The following TBCD variants were observed in gnomAD, a reference collection of about 807,000 sequenced individuals.
TBCD encodes the protein tubulin-specific chaperone D.
In TBCD, 105 loss-of-function variants were observed where a neutral mutation model predicts 169.3. That is an observed-to-expected ratio of 0.62 (90% CI 0.53 to 0.73). The LOEUF (loss-of-function observed/expected upper bound fraction) is 0.73. Ranked by LOEUF, TBCD falls within the 30% of genes least tolerant of loss-of-function variation. TBCD has a pLI of 0.00. For synonymous variants in TBCD, 700 were observed against 643.9 expected, an observed-to-expected ratio of 1.09 and a Z score of -1.32; for missense variants, 1,444 against 1,600.1, an observed-to-expected ratio of 0.90 and a Z score of 1.66.
rs1441841970 is a variant in TBCD at position 82,930,718 on chromosome 17, G to C, written c.3113+75G>C. On this transcript the variant is annotated intron_variant, in intron 33 of 38. Coordinates refer to ENST00000355528, the MANE Select transcript of TBCD (RefSeq NM_005993.5). This position sits in a 1 kb window ranked among gnomAD's most constrained non-coding sequence, Gnocchi z 5.2. ...CTCACCACGTTCCCACAGATTCCCG[G>C]GGTCTCGCAGGGTCTGTCTGGGGTC... The C allele has an allele frequency of 1.3e-6, 2 of 1,595,644 alleles. No homozygotes were observed. Among genetic ancestry groups the C allele is most frequent in the African/African-American group, 2.7e-5 (2 of 74,644 alleles).
At chr17:82,916,356 C>T (rs1389431470) in intron 23 of TBCD, among the ~76,000 whole-genome samples, 10 of 152,120 alleles carry the variant, frequency 6.6e-5, no homozygotes, top group Middle Eastern at 3.4e-3. Context: ...GTGTTTCTCC[C>T]GCCTCAGCCT....
chr17:82,887,373 G>A (rs1389958879), intron 15 of TBCD, among the ~76,000 whole-genome samples: 1 of 152,058 alleles, frequency 6.6e-6, no homozygotes, highest in East Asian at 1.9e-4. Flanking sequence ...ATTCTATTCT[G>A]TCATCTCGAG....
intron 13 of TBCD, among the ~76,000 whole-genome samples, chr17:82,858,920 G>T (rs563712849): frequency 6.6e-6 from 1 of 152,346 alleles, no homozygotes; most frequent in South Asian, 2.1e-4. Context: ...TCCTGCGGGG[G>T]GATGAGTGCG....
chr17:82,928,774 C>T (rs558331310), intron 30 of TBCD, among the ~76,000 whole-genome samples: 2 of 152,206 alleles, frequency 1.3e-5, no homozygotes, highest in African/African-American at 4.8e-5. Context: ...CCCCATCACT[C>T]TTCTCCACCC....
intron 12 of TBCD, among the ~76,000 whole-genome samples, chr17:82,812,741 C>G (rs2144892920): frequency 6.6e-6 from 1 of 152,304 alleles, no homozygotes; most frequent in Non-Finnish European, 1.5e-5. Context: ...CGGGGTTTCA[C>G]CATGTTGGCC....
chr17:82,783,508 G>A (rs1312367992), intron 7 of TBCD, among the ~76,000 whole-genome samples: 2 of 152,174 alleles, frequency 1.3e-5, no homozygotes, highest in South Asian at 2.1e-4. Flanking sequence ...CGAGCAGTCC[G>A]TCCCTCACCT....
At position 82,772,573 on chromosome 17, in the gene TBCD, C is replaced by T. The variant is rs547829732; in HGVS notation, c.638+66C>T. ...GTTCTGAGAGGGGTTTGTTTGGGTACGTGTTTCATGTGCGTCTTCAGTCCT... is the reference window on the plus strand; with the variant it reads ...GTTCTGAGAGGGGTTTGTTTGGGTATGTGTTTCATGTGCGTCTTCAGTCCT... On this transcript the variant is annotated intron_variant, in intron 6 of 38. Transcript: ENST00000355528. 7.1e-5 allele frequency: 110 copies of T among 1,544,016 alleles called. No individual in the cohort carries two copies. The African/African-American group carries it at 8.8e-4, about 12-fold the overall frequency.
chr17:82,816,031 A>G (rs1006818236), intron 13 of TBCD, among the ~76,000 whole-genome samples: 4 of 152,004 alleles, frequency 2.6e-5, no homozygotes, highest in Non-Finnish European at 5.9e-5. Flanking sequence ...ATTGCCTCCA[A>G]AGGAACCCTG....
Position 82,929,383 on chromosome 17 carries a change from C to T in TBCD, c.2874C>T (p.Asn958=), listed in dbSNP as rs1233862642. Residue 958 remains asparagine, a synonymous_variant, in exon 32 of 39, where the codon AAC becomes AAT. Coordinates refer to ENST00000355528, the MANE Select transcript of TBCD (RefSeq NM_005993.5). The stretch of plus-strand genomic sequence containing the variant: ...GCAGGTCCGATGTGGCCTCCGTGAA[C>T]TGGAGTGCACCTTCCCAGGCCTTCC... ...LFPRSDVASV[N]WSAPSQAFPR... The T allele has an allele frequency of 3.1e-6, 5 of 1,613,054 alleles. No individual in the cohort carries two copies. Among genetic ancestry groups the T allele is most frequent in the Admixed American group, 1.7e-5 (1 of 60,006 alleles).
chr17:82,945,059 A>T lies in TBCD; in HGVS notation c.*2596A>T, dbSNP rs1445320259. ...GACAAGGGCAGAAGATGCAAATACA[A>T]AACCTCTCTGGTAGAATGTAGGCTA... On this transcript the variant is annotated 3_prime_UTR_variant, in exon 39 of 39. Coordinates refer to ENST00000355528, the MANE Select transcript of TBCD (RefSeq NM_005993.5). 6.6e-6 allele frequency: 1 copy of T among 152,210 alleles called. No homozygotes were observed. The highest frequency in any genetic ancestry group is 2.4e-5 in the African/African-American group (1 of 41,440). 9.4% of individuals were successfully genotyped at this position (152,210 alleles called of 1,614,324 possible). A position where few individuals can be genotyped will look rare whatever the true frequency, so the allele number is the denominator to read the frequency against.
intron 13 of TBCD, among the ~76,000 whole-genome samples, chr17:82,852,473 G>A (rs539686293): frequency 4.6e-5 from 7 of 152,214 alleles, no homozygotes; most frequent in Middle Eastern, 3.4e-3. Flanking sequence ...AGCAGGCTCG[G>A]CAGCAGGCTC....
intron 5 of TBCD, 74 bp from the exon 6 acceptor site, chr17:82,772,378 C>T: frequency 6.7e-7 from 1 of 1,485,754 alleles, no homozygotes; most frequent in East Asian, 2.3e-5. Flanking sequence ...GAGGGTGGGA[C>T]TGGTGACTGT....
At position 82,905,982 on chromosome 17, in the gene TBCD, G is replaced by C; in HGVS notation, c.1851G>C (p.Met617Ile). The C allele has an allele frequency of 6.2e-7, 1 of 1,613,236 alleles. No homozygotes were observed. Among genetic ancestry groups the C allele is most frequent in the Non-Finnish European group, 8.5e-7 (1 of 1,179,574 alleles). Residue 617 changes from methionine (M) to isoleucine (I), a missense_variant, in exon 20 of 39, where the codon ATG (methionine) becomes ATC (isoleucine). Coordinates refer to ENST00000355528, the MANE Select transcript of TBCD (RefSeq NM_005993.5). ...LSMTLSPDLH[M>I]RHGSILACAE... ...TGACACTGAGTCCAGATCTTCACAT[G>C]AGGCATGGGTCGATTCTCGCCTGCG...
chr17:82,806,366 C>T lies in TBCD; in HGVS notation c.1087+355C>T, dbSNP rs1036889245. On this transcript the variant is annotated intron_variant, in intron 10 of 38. Coordinates refer to ENST00000355528, the MANE Select transcript of TBCD (RefSeq NM_005993.5). This position sits in a 1 kb window ranked among gnomAD's most constrained non-coding sequence, Gnocchi z 5.1. ...TCTCTGGCTCCTTGGCCCCTAAACC[C>T]TGCTCAGTTCCTTACCTCAGGAGCC... Among the ~76,000 whole-genome samples, 3 of 152,148 alleles carry T rather than the reference C, an allele frequency of 2.0e-5. No homozygotes were observed. The highest frequency in any genetic ancestry group is 4.4e-5 in the Non-Finnish European group (3 of 68,014).
At chr17:82,854,090 C>T (rs2056048477) in intron 13 of TBCD, among the ~76,000 whole-genome samples, 1 of 152,208 alleles carries the variant, frequency 6.6e-6, no homozygotes, top group South Asian at 2.1e-4. Flanking sequence ...ACACACAGCA[C>T]ACCCTGACCT....
intron 35 of TBCD, 160 bp downstream of exon 35, chr17:82,937,520 G>A (rs1167065430): frequency 1.5e-6 from 1 of 676,354 alleles, no homozygotes; most frequent in Admixed American, 2.7e-5. Context: ...AGTCGCAATG[G>A]GAGGTGAGGC....
In TBCD at chr17:82,930,274, C is replaced by T; in HGVS notation, c.2992-248C>T. ...TGGCCGCAGCCTTTCGTCACGTGCT[C>T]TCCCGCATGTCCTAAGTGAGGGCTC... On this transcript the variant is annotated intron_variant, in intron 32 of 38. Coordinates refer to ENST00000355528, the MANE Select transcript of TBCD (RefSeq NM_005993.5). The surrounding 1 kb of genome is among the most constrained non-coding windows in gnomAD (Gnocchi z 5.2). 1 of 521,416 alleles carries T rather than the reference C, an allele frequency of 1.9e-6. No homozygotes were observed. The highest frequency in any genetic ancestry group is 2.7e-5 in the South Asian group (1 of 37,286). The allele number at this position is 521,416 out of a possible 1,614,324, so 32.3% of individuals were successfully genotyped here.
At chr17:82,809,175 G>T (rs929262966) in intron 11 of TBCD, among the ~76,000 whole-genome samples, 9 of 152,090 alleles carry the variant, frequency 5.9e-5, no homozygotes, top group Non-Finnish European at 5.9e-5. Flanking sequence ...CGCAGTGAGA[G>T]GCTGGGCAGG....
rs2047137942 is a variant in TBCD, at chr17:82,752,271, G to C, written c.78G>C (p.Ala26=). Reference sequence around the variant, plus strand: ...ACGAGACACTGGCCTTTGGCGCGGCGCTGGAAGCGTTCGGCGAGAGCGCGG... The same window carrying C: ...ACGAGACACTGGCCTTTGGCGCGGCCCTGGAAGCGTTCGGCGAGAGCGCGG... ...AEDETLAFGA[A]LEAFGESAET... The change falls in exon 1 of 39, where the codon GCG becomes GCC. Residue 26 remains alanine (A), a synonymous_variant. Transcript: ENST00000355528. The C allele has an allele frequency of 6.6e-7, 1 of 1,518,900 alleles. No homozygotes were observed. The highest frequency in any genetic ancestry group is 1.4e-5 in the African/African-American group (1 of 69,574). The allele number at this position is 1,518,900 out of a possible 1,614,324, so 94.1% of individuals were successfully genotyped here. A position where few individuals can be genotyped will look rare whatever the true frequency, so the allele number is the denominator to read the frequency against.
Sources: gnomAD v4.1 joint callset for allele counts (sites outside exome capture counted in the v4.1 genomes callset) on GRCh38, gnomAD v4.1.1 for gene constraint, Gnocchi (gnomAD v3.1) non-coding constraint, MANE v1.5 for transcripts, NCBI Gene and HGNC (gene_info 2026-07-23, HGNC 2026-07-21) for gene names.